DLG2: variants seen among roughly 807,000 people sequenced by gnomAD.
The protein encoded by DLG2 is discs large MAGUK scaffold protein 2, also known as disks large homolog 2.
A neutral mutation model predicts 132.5 loss-of-function variants in DLG2; 45 were observed. The observed-to-expected ratio is 0.34, with a 90% CI of 0.27 to 0.44. DLG2 has a LOEUF of 0.44. DLG2 is among the 20% of genes least tolerant of loss of function. DLG2 has a pLI of 1.00. For synonymous variants in DLG2, 424 were observed against 419.6 expected (o/e 1.01, Z -0.13); for missense variants, 1,045 against 1,196.9 (o/e 0.87, Z 1.87).
chr11:83,662,940 C>T (rs531453113), intron 18 of DLG2, among the ~76,000 whole-genome samples: 33 of 152,262 alleles, frequency 2.2e-4, no homozygotes, highest in Admixed American at 2.0e-3. Context: ...TGGTCTCTAG[C>T]TTCAGGGCTG....
chr11:83,974,901 A>G (rs1383412416), intron 12 of DLG2, among the ~76,000 whole-genome samples: 1 of 152,064 alleles, frequency 6.6e-6, no homozygotes, highest in African/African-American at 2.4e-5. Context: ...CCCTTTAAGG[A>G]AAGAAAACAC....
intron 6 of DLG2, among the ~76,000 whole-genome samples, chr11:84,971,773 T>C (rs1311712731): frequency 6.6e-6 from 1 of 152,164 alleles, no homozygotes; most frequent in Non-Finnish European, 1.5e-5. Context: ...CTATATATTA[T>C]AATTTCCACT....
chr11:85,546,834 T>C (rs940770075), intron 3 of DLG2, among the ~76,000 whole-genome samples: 1 of 148,538 alleles, frequency 6.7e-6, no homozygotes. Flanking sequence ...TTTTTTTTTT[T>C]TTTTTTGCTT....
chr11:85,489,827 CAAAT>C (rs2093516298), intron 3 of DLG2, among the ~76,000 whole-genome samples: 1 of 151,928 alleles, frequency 6.6e-6, no homozygotes, highest in Non-Finnish European at 1.5e-5. Context: ...ACTGTGTCAA[CAAAT>C]AAATTATGAA....
chr11:85,565,541 C>T (rs1256599545), intron 3 of DLG2, among the ~76,000 whole-genome samples: 1 of 152,114 alleles, frequency 6.6e-6, no homozygotes, highest in South Asian at 2.1e-4. Context: ...CTAGCAAACA[C>T]TAATCTACTT....
intron 7 of DLG2, among the ~76,000 whole-genome samples, chr11:84,508,922 A>C (rs75685268): frequency 0.05 from 7,621 of 152,280 alleles, 247 homozygotes; most frequent in South Asian, 0.096. Flanking sequence ...AATATGGACT[A>C]TATGGACTTC....
At chr11:85,055,984 G>T (rs994672567) in intron 6 of DLG2, among the ~76,000 whole-genome samples, 5 of 152,074 alleles carry the variant, frequency 3.3e-5, no homozygotes, top group Non-Finnish European at 5.9e-5. Context: ...TACTCTAGCT[G>T]CACTTAATTT....
intron 19 of DLG2, among the ~76,000 whole-genome samples, chr11:83,612,899 T>C (rs553727691): frequency 1.8e-4 from 28 of 152,218 alleles, no homozygotes; most frequent in African/African-American, 5.8e-4. Context: ...CAAGTTAAAA[T>C]AGTCTTCTTT....
chr11:85,376,577 CTCA>C (rs1407623700), intron 3 of DLG2, among the ~76,000 whole-genome samples: 1 of 152,164 alleles, frequency 6.6e-6, no homozygotes, highest in Non-Finnish European at 1.5e-5. Context: ...AAAAAGACTA[CTCA>C]TTTCTGCTAT....
At chr11:84,567,737 G>T (rs1489488202) in intron 6 of DLG2, among the ~76,000 whole-genome samples, 1 of 152,170 alleles carries the variant, frequency 6.6e-6, no homozygotes, top group Non-Finnish European at 1.5e-5. Flanking sequence ...TCAGAAAGAT[G>T]CCAGAATAGG....
chr11:84,957,047 A>G (rs756128886), intron 6 of DLG2, among the ~76,000 whole-genome samples: 3 of 152,198 alleles, frequency 2.0e-5, no homozygotes, highest in African/African-American at 4.8e-5. Context: ...TTTTGTGCCA[A>G]AACTGTCCTA....
chr11:84,643,720 T>G (rs1236191484), intron 6 of DLG2, among the ~76,000 whole-genome samples: 1 of 152,184 alleles, frequency 6.6e-6, no homozygotes, highest in South Asian at 2.1e-4. Flanking sequence ...AATAGGTGTA[T>G]AGGGCTTTTA....
At chr11:84,766,746 G>A (rs559546994) in intron 6 of DLG2, among the ~76,000 whole-genome samples, 1 of 152,096 alleles carries the variant, frequency 6.6e-6, no homozygotes, top group East Asian at 1.9e-4. Context: ...TAGTAGGGGA[G>A]GAAAGATGGT....
chr11:83,738,330 C>G (rs772130473), intron 18 of DLG2, among the ~76,000 whole-genome samples: 4 of 151,998 alleles, frequency 2.6e-5, no homozygotes, highest in Non-Finnish European at 5.9e-5. Context: ...CAGTACACAG[C>G]CAAGATTTTT....
intron 6 of DLG2, among the ~76,000 whole-genome samples, chr11:84,580,888 T>C (rs1009149229): frequency 2.0e-5 from 3 of 152,188 alleles, no homozygotes; most frequent in African/African-American, 7.2e-5. Flanking sequence ...GTATAAAAAA[T>C]TCCTTTTACC....
chr11:85,532,192 T>C (rs1565645292), intron 3 of DLG2, among the ~76,000 whole-genome samples: 3 of 152,224 alleles, frequency 2.0e-5, no homozygotes, highest in Non-Finnish European at 4.4e-5. Flanking sequence ...GTCTTACGTA[T>C]GAAATACAAG....
chr11:85,207,758 T>A (rs2081998845), intron 4 of DLG2, among the ~76,000 whole-genome samples: 1 of 152,092 alleles, frequency 6.6e-6, no homozygotes, highest in African/African-American at 2.4e-5. Flanking sequence ...GGAATGGAAC[T>A]TTCTTATCAC....
chr11:84,499,650 A>T (rs1487710132), intron 7 of DLG2, among the ~76,000 whole-genome samples: 1 of 152,188 alleles, frequency 6.6e-6, no homozygotes, highest in East Asian at 1.9e-4. Context: ...GACACTAAAT[A>T]TAAATATTTG....
intron 18 of DLG2, among the ~76,000 whole-genome samples, chr11:83,747,675 G>A (rs764555766): frequency 2.6e-5 from 4 of 151,938 alleles, no homozygotes; most frequent in Non-Finnish European, 4.4e-5. Context: ...ATGAGCCACC[G>A]CACCCGGTTT....
Sources: allele counts gnomAD v4.1 joint callset (sites outside exome capture counted in the v4.1 genomes callset), GRCh38; gene constraint gnomAD v4.1.1; transcripts MANE v1.5; gene names NCBI Gene and HGNC (gene_info 2026-07-23, HGNC 2026-07-21).